The following BPIFC variants were observed in gnomAD, a reference collection of about 807,000 sequenced individuals.
BPIFC encodes the protein BPI fold containing family C.
Under a neutral mutation model 57.6 loss-of-function variants are expected in BPIFC, and 60 were observed. That is an observed-to-expected ratio of 1.04 (90% CI 0.85 to 1.29). BPIFC has a LOEUF of 1.29. BPIFC is among the 50% of genes most tolerant of loss of function. BPIFC has a pLI of 0.00. For missense variants in BPIFC, 581 were observed against 600.5 expected, an observed-to-expected ratio of 0.97 and a Z score of 0.34; for synonymous variants, 243 against 224.5, an observed-to-expected ratio of 1.08 and a Z score of -0.74.
At chr22:32,437,684 C>A (rs550921651) in intron 9 of BPIFC, 76 bp downstream of exon 9, 3 of 1,100,480 alleles carry the variant, frequency 2.7e-6, no homozygotes, top group Admixed American at 3.5e-5. Context: ...AGGCACCGTG[C>A]CCAGTCCATA....
rs138899904 is a variant in BPIFC, at chr22:32,421,570, T to C, written c.1218-2166A>G. Among the ~76,000 whole-genome samples, 790 of 152,302 alleles carry C rather than the reference T, an allele frequency of 5.2e-3. 2 individuals carry two copies. Among genetic ancestry groups the C allele is most frequent in the Non-Finnish European group, 9.1e-3 (618 of 68,016 alleles). On this transcript the variant is annotated intron_variant, in intron 13 of 16. Transcript: ENST00000300399. ...CAGGGGAAGCTACGTTACAGGCATG[T>C]CTGATAGAGATACTCTCCTGATCAA... is the stretch of plus-strand genomic sequence containing the variant.
At chr22:32,461,450 G>A (rs1935158440) in intron 2 of BPIFC, 124 bp downstream of exon 2, 1 of 378,262 alleles carries the variant, frequency 2.6e-6, no homozygotes, top group Non-Finnish European at 3.6e-6. Context: ...CTCTGGCCAA[G>A]CAATGAGTGA....
chr22:32,436,843 C>T (rs1169079440), intron 9 of BPIFC, among the ~76,000 whole-genome samples: 2 of 152,194 alleles, frequency 1.3e-5, no homozygotes, highest in Admixed American at 6.5e-5. Context: ...GCACTGCTCT[C>T]ATTAGCTATA....
At chr22:32,423,908 C>G (rs1382287942) in intron 13 of BPIFC, among the ~76,000 whole-genome samples, 1 of 144,058 alleles carries the variant, frequency 6.9e-6, no homozygotes, top group African/African-American at 2.5e-5. Flanking sequence ...TGGAACAACT[C>G]TCAATTGTAA....
At chr22:32,459,261 G>A (rs1935108564) in intron 2 of BPIFC, among the ~76,000 whole-genome samples, 1 of 152,194 alleles carries the variant, frequency 6.6e-6, no homozygotes, top group Non-Finnish European at 1.5e-5. Flanking sequence ...AGGTGTGGTG[G>A]CTCATACCTA....
At position 32,444,749 on chromosome 22, in the gene BPIFC, C is replaced by T. The variant is rs75204746; in HGVS notation, c.594+886G>A. Among the ~76,000 whole-genome samples the T allele has an allele frequency of 2.0e-5, 3 of 152,236 alleles. No individual in the cohort carries two copies. The East Asian group carries it at 5.8e-4, about 29-fold the overall frequency. The stretch of plus-strand genomic sequence containing the variant: ...CATTCCTTACATATACAAATCCTAC[C>T]TATATGTTAAGATCTAGTTCAAGTT... On this transcript the variant is annotated intron_variant, in intron 7 of 16. Transcript: ENST00000300399.
intron 4 of BPIFC, among the ~76,000 whole-genome samples, chr22:32,450,645 T>C (rs1420197049): frequency 1.3e-5 from 2 of 152,056 alleles, no homozygotes; most frequent in Non-Finnish European, 2.9e-5. Context: ...ATGTATCTTA[T>C]ACTCATGATA....
chr22:32,461,307 G>A (rs1011137494), intron 2 of BPIFC, among the ~76,000 whole-genome samples: 1 of 152,216 alleles, frequency 6.6e-6, no homozygotes, highest in Admixed American at 6.5e-5. Flanking sequence ...AGGGAAACTG[G>A]GGAGCAGTGT....
intron 8 of BPIFC, among the ~76,000 whole-genome samples, chr22:32,442,133 C>A (rs1934582509): frequency 6.6e-6 from 1 of 152,166 alleles, no homozygotes; most frequent in African/African-American, 2.4e-5. Flanking sequence ...AGAGGAAGCT[C>A]TTCCAGGCAG....
chr22:32,442,876 T>C, intron 7 of BPIFC, 145 bp from the exon 8 acceptor site: 1 of 763,530 alleles, frequency 1.3e-6, no homozygotes, highest in Admixed American at 2.5e-5. Flanking sequence ...TTAAATTTGT[T>C]GATGTCTATG....
chr22:32,432,497 A>G lies in BPIFC; in HGVS notation c.1025T>C (p.Met342Thr). 6.2e-7 allele frequency: 1 copy of G among 1,614,168 alleles called. No homozygotes were observed. The highest frequency in any genetic ancestry group is 2.2e-5 in the East Asian group (1 of 44,884). Residue 342 changes from methionine to threonine, a missense_variant, in exon 12 of 17, where the codon ATG becomes ACG. Met to Thr is a moderately conservative substitution (Grantham distance 81). Transcript: ENST00000300399. ...ILSQPFMVRI[M>T]ATEPPIINLQ... ...ATTGATTATGGGAGGCTCTGTGGCC[A>G]TGATCCTCACCATGAAGGGCTGGGA...
intron 13 of BPIFC, among the ~76,000 whole-genome samples, chr22:32,427,160 C>T (rs1601450739): frequency 6.6e-6 from 1 of 152,310 alleles, no homozygotes; most frequent in East Asian, 1.9e-4. Context: ...AATGAATTCA[C>T]ACATTTCCGG....
intron 13 of BPIFC, among the ~76,000 whole-genome samples, chr22:32,429,452 C>T (rs1236613636): frequency 1.3e-5 from 2 of 149,612 alleles, no homozygotes; most frequent in Admixed American, 6.7e-5. Flanking sequence ...ATGATCCGCT[C>T]GCCTCAGCCT....
intron 2 of BPIFC, among the ~76,000 whole-genome samples, chr22:32,459,588 G>A (rs979247301): frequency 2.6e-5 from 4 of 152,180 alleles, no homozygotes; most frequent in South Asian, 4.2e-4. Context: ...GCATGAATCC[G>A]GGAGGCGGAG....
At chr22:32,435,675 C>G (rs1934369690) in intron 10 of BPIFC, 29 bp downstream of exon 10, 1 of 1,596,054 alleles carries the variant, frequency 6.3e-7, no homozygotes, top group African/African-American at 1.3e-5. Context: ...TGATGGTGAC[C>G]ATTGACATCC....
chr22:32,448,372 C>T (rs903931600), intron 4 of BPIFC, among the ~76,000 whole-genome samples: 1 of 152,098 alleles, frequency 6.6e-6, no homozygotes, highest in East Asian at 1.9e-4. Context: ...TGTGTCCAGC[C>T]CTTGGCACAG....
At position 32,434,518 on chromosome 22, in the gene BPIFC, T is replaced by TTA. The variant is rs200195762; in HGVS notation, c.925-748_925-747dup. On this transcript the variant is annotated intron_variant, in intron 10 of 16. Coordinates refer to ENST00000300399, the MANE Select transcript of BPIFC (RefSeq NM_174932.3). Reference sequence around the variant, plus strand: ...CAATCTATATGTACATAGTCTTTATTTATATATATATTACAATCTATGTGT... The same window carrying TTA: ...CAATCTATATGTACATAGTCTTTATTTATATATATATATTACAATCTATGTGT... Among the ~76,000 whole-genome samples, 500 of 150,868 alleles carry TTA rather than the reference T, an allele frequency of 3.3e-3. 1 individual carries two copies. Among genetic ancestry groups the TTA allele is most frequent in the Non-Finnish European group, 3.4e-3 (233 of 67,758 alleles).
At chr22:32,430,563 ATATATT>A (rs5845000) in intron 13 of BPIFC, among the ~76,000 whole-genome samples, 17,576 of 148,054 alleles carry the variant, frequency 0.12, 1,606 homozygotes, top group African/African-American at 0.25. Context: ...AAATATAAAA[ATATATT>A]TATTACATAT....
intron 13 of BPIFC, among the ~76,000 whole-genome samples, chr22:32,424,653 CTTCTTCTTCTTCT>C (rs1933968892): frequency 1.6e-5 from 1 of 61,576 alleles, no homozygotes; most frequent in African/African-American, 1.2e-4. Context: ...TCTTCTTCTT[CTTCTTCTTCTTCT>C]TCTTCTTCTT....
Sources: gnomAD v4.1 joint callset for allele counts (sites outside exome capture counted in the v4.1 genomes callset) on GRCh38, gnomAD v4.1.1 for gene constraint, MANE v1.5 for transcripts, NCBI Gene and HGNC (gene_info 2026-07-23, HGNC 2026-07-21) for gene names.